ZC3H12D: variants seen among roughly 807,000 people sequenced by gnomAD.
ZC3H12D encodes the protein probable ribonuclease ZC3H12D.
ZC3H12D carries 11 observed loss-of-function variants against 24.2 expected under a neutral mutation model. That is an observed-to-expected ratio of 0.46 (90% CI 0.29 to 0.75). The LOEUF (loss-of-function observed/expected upper bound fraction) is 0.75. ZC3H12D is among the 30% of genes least tolerant of loss of function. The probability of loss-of-function intolerance (pLI) is 0.11; values close to 1 mark genes in which losing one functional copy is unlikely to be tolerated. For synonymous variants in ZC3H12D, 333 were observed against 341.8 expected (o/e 0.97, Z 0.28); for missense variants, 740 against 767.7 (o/e 0.96, Z 0.43).
chr6:149,447,969 C>G lies in ZC3H12D; in HGVS notation c.*2714G>C, dbSNP rs781561329. On this transcript the variant is annotated 3_prime_UTR_variant, in exon 6 of 6. Transcript: ENST00000409806. ...GACAAAAAGCAGCTCTAATAGAAAGCGTGTCTTGTCAAAAGGTTAAAAATA... is the reference window on the plus strand; with the variant it reads ...GACAAAAAGCAGCTCTAATAGAAAGGGTGTCTTGTCAAAAGGTTAAAAATA... The G allele has an allele frequency of 1.3e-5, 2 of 152,144 alleles. No individual in the cohort carries two copies. Among genetic ancestry groups the G allele is most frequent in the African/African-American group, 4.8e-5 (2 of 41,438 alleles). 9.4% of individuals were successfully genotyped at this position (152,144 alleles called of 1,614,324 possible).
intron 1 of ZC3H12D, among the ~76,000 whole-genome samples, chr6:149,479,966 A>G (rs56967936): frequency 0.016 from 2,479 of 151,600 alleles, 66 homozygotes; most frequent in African/African-American, 0.058. Flanking sequence ...GTCCCCTTTC[A>G]CTCCTCTCTT....
chr6:149,462,068 G>T, intron 2 of ZC3H12D, 98 bp from the exon 3 acceptor site: 1 of 1,424,562 alleles, frequency 7.0e-7, no homozygotes. Flanking sequence ...TAATCAAGAG[G>T]GAACCAGGAA....
At chr6:149,459,701 A>G in intron 3 of ZC3H12D, 1 of 717,810 alleles carries the variant, frequency 1.4e-6, no homozygotes, top group Non-Finnish European at 2.6e-6. Flanking sequence ...TGAAGCTACA[A>G]CTAGGAAGGA....
chr6:149,475,150 C>T (rs1366630082), intron 1 of ZC3H12D, among the ~76,000 whole-genome samples: 1 of 152,088 alleles, frequency 6.6e-6, no homozygotes, highest in Non-Finnish European at 1.5e-5. Flanking sequence ...CTGCAGGCAC[C>T]TTGACCTTGA....
intron 3 of ZC3H12D, chr6:149,459,484 G>A (rs1203135582): frequency 1.5e-6 from 1 of 671,714 alleles, no homozygotes; most frequent in Middle Eastern, 3.7e-4. Context: ...GCAGCATGGA[G>A]GGAACCACAG....
chr6:149,454,264 G>T (rs1367594340), intron 4 of ZC3H12D, among the ~76,000 whole-genome samples: 1 of 152,246 alleles, frequency 6.6e-6, no homozygotes, highest in Non-Finnish European at 1.5e-5. Flanking sequence ...GCCCCTCGCT[G>T]AGTGAGGTCC....
chr6:149,468,863 A>G (rs968423900), intron 2 of ZC3H12D, among the ~76,000 whole-genome samples: 4 of 152,244 alleles, frequency 2.6e-5, no homozygotes, highest in Non-Finnish European at 5.9e-5. Flanking sequence ...ATGAAAACTG[A>G]GAGGTATGAT....
intron 4 of ZC3H12D, among the ~76,000 whole-genome samples, chr6:149,455,222 G>A (rs777857222): frequency 6.6e-6 from 1 of 152,032 alleles, no homozygotes; most frequent in Non-Finnish European, 1.5e-5. Context: ...CTGCTCAGCC[G>A]TGTGCAAGCA....
chr6:149,455,332 C>G (rs186798041), intron 4 of ZC3H12D, among the ~76,000 whole-genome samples: 2 of 152,206 alleles, frequency 1.3e-5, no homozygotes, highest in African/African-American at 4.8e-5. Flanking sequence ...GTGGGCCAGG[C>G]GTGCTGGAGA....
intron 1 of ZC3H12D, among the ~76,000 whole-genome samples, chr6:149,479,701 G>A (rs1442153634): frequency 6.6e-6 from 1 of 152,240 alleles, no homozygotes; most frequent in Admixed American, 6.5e-5. Flanking sequence ...GAGTTTAATG[G>A]ATTTGTTTTT....
At chr6:149,472,699 T>C (rs1776264529) in intron 2 of ZC3H12D, among the ~76,000 whole-genome samples, 1 of 152,156 alleles carries the variant, frequency 6.6e-6, no homozygotes, top group Admixed American at 6.5e-5. Context: ...CTTTGGGGAC[T>C]GGGCATGTTT....
At chr6:149,464,226 G>T (rs1319059561) in intron 2 of ZC3H12D, among the ~76,000 whole-genome samples, 1 of 152,164 alleles carries the variant, frequency 6.6e-6, no homozygotes, top group Non-Finnish European at 1.5e-5. Context: ...GAAAACCAGA[G>T]GATGTGCATC....
At chr6:149,457,016 CG>C in intron 3 of ZC3H12D, 116 bp from the exon 4 acceptor site, 2 of 1,028,342 alleles carry the variant, frequency 1.9e-6, no homozygotes, top group South Asian at 1.6e-5. Flanking sequence ...TTGAGGGGAG[CG>C]GGGAAAAAAC....
At chr6:149,454,173 T>G (rs1387352520) in intron 4 of ZC3H12D, among the ~76,000 whole-genome samples, 1 of 152,166 alleles carries the variant, frequency 6.6e-6, no homozygotes, top group African/African-American at 2.4e-5. Context: ...CCTTCTCTCC[T>G]CCCTGGCATG....
At chr6:149,462,408 C>T (rs381793) in intron 2 of ZC3H12D, among the ~76,000 whole-genome samples, 55,154 of 151,396 alleles carry the variant, frequency 0.36, 10,519 homozygotes, top group African/African-American at 0.46. Flanking sequence ...AAAAACCACA[C>T]ACACACACAA....
chr6:149,468,255 A>G (rs1421238312), intron 2 of ZC3H12D, among the ~76,000 whole-genome samples: 1 of 152,218 alleles, frequency 6.6e-6, no homozygotes, highest in African/African-American at 2.4e-5. Context: ...TGCTAGGATT[A>G]CAGGCATAAG....
chr6:149,474,346 G>A lies in ZC3H12D; in HGVS notation c.198C>T (p.Val66=), dbSNP rs1260722697. The change falls in exon 2 of 6, where the codon GTC becomes GTT. Residue 66 remains valine (V), a synonymous_variant. Coordinates refer to ENST00000409806, the MANE Select transcript of ZC3H12D (RefSeq NM_207360.3). ...CCGGGCCACGCTGGGCAGAGTCCGG[G>A]ACCCCACAGGAGCCCCGAGGCACTA... ...PRLVPRGSCG[V]PDSAQRGPGT... 1.1e-5 allele frequency: 17 copies of A among 1,605,966 alleles called. 1 individual carries two copies. The highest frequency in any genetic ancestry group is 1.4e-5 in the Non-Finnish European group (16 of 1,174,548).
chr6:149,451,158 G>T lies in ZC3H12D; in HGVS notation c.1109C>A (p.Thr370Lys), dbSNP rs1775887581. The change falls in exon 6 of 6, where the codon ACG becomes AAG. Residue 370 changes from threonine to lysine, a missense_variant. Thr to Lys is a moderately conservative substitution (Grantham distance 78, BLOSUM62 -1). Transcript: ENST00000409806. ...CCAGTCGGGCCCGCCCAGTCGGGGC[G>T]TGAGGCTGCAGGCGGGGACCGGGAG... The part of the protein sequence containing the change: ...PPLPVPACSL[T>K]PRLGGPDWVS... The T allele has an allele frequency of 1.5e-6, 2 of 1,329,610 alleles. No individual in the cohort carries two copies. The highest frequency in any genetic ancestry group is 1.9e-6 in the Non-Finnish European group (2 of 1,045,830). The allele number at this position is 1,329,610 out of a possible 1,614,324, so 82.4% of individuals were successfully genotyped here.
chr6:149,478,993 A>G (rs1242290361), intron 1 of ZC3H12D, among the ~76,000 whole-genome samples: 1 of 152,198 alleles, frequency 6.6e-6, no homozygotes, highest in East Asian at 1.9e-4. Flanking sequence ...TGACCACCTC[A>G]CTGCCTGCCC....
Sources: allele counts gnomAD v4.1 joint callset (sites outside exome capture counted in the v4.1 genomes callset), GRCh38; gene constraint gnomAD v4.1.1; transcripts MANE v1.5; gene names NCBI Gene and HGNC (gene_info 2026-07-23, HGNC 2026-07-21).